SHTN1: variants seen among roughly 807,000 people sequenced by gnomAD.
SHTN1 encodes the protein shootin 1.
SHTN1 carries 42 observed loss-of-function variants against 83.1 expected under a neutral mutation model. The ratio of observed to expected loss-of-function variants is 0.51; its 90% CI spans 0.39 to 0.65. The LOEUF (loss-of-function observed/expected upper bound fraction) is 0.65. Among genes scored for constraint, SHTN1 ranks in the 30% least tolerant of loss-of-function variants. SHTN1 has a pLI of 0.00. For synonymous variants in SHTN1, 224 were observed against 247.7 expected (o/e 0.90, Z 0.90); for missense variants, 622 against 737.8 (o/e 0.84, Z 1.82).
At chr10:117,048,466 C>T in exon 2 of SHTN1, 1 of 985,342 alleles carries the variant, frequency 1.0e-6, no homozygotes, top group Non-Finnish European at 1.2e-6. Context: ...AGGCAGACTT[C>T]ATCAATCTGG....
intron 1 of SHTN1, among the ~76,000 whole-genome samples, chr10:117,062,101 C>G (rs1232804868): frequency 1.3e-5 from 2 of 152,134 alleles, no homozygotes; most frequent in Admixed American, 6.5e-5. Flanking sequence ...GTCACTGTGG[C>G]CTGATCAAAT....
intron 2 of SHTN1, among the ~76,000 whole-genome samples, chr10:117,015,727 A>G (rs1852172625): frequency 6.6e-6 from 1 of 152,220 alleles, no homozygotes; most frequent in African/African-American, 2.4e-5. Context: ...CTTCATATAC[A>G]GTGCTTTCTT....
intron 2 of SHTN1, among the ~76,000 whole-genome samples, chr10:117,031,872 A>C (rs1255420712): frequency 6.6e-6 from 1 of 152,174 alleles, no homozygotes; most frequent in African/African-American, 2.4e-5. Flanking sequence ...CAGAAAACAA[A>C]TAACAAAACG....
intron 1 of SHTN1, among the ~76,000 whole-genome samples, chr10:117,110,553 G>A (rs1439630437): frequency 1.3e-5 from 2 of 151,530 alleles, no homozygotes; most frequent in Non-Finnish European, 2.9e-5. Flanking sequence ...TAGAGACAGG[G>A]TTTCACCATG....
chr10:117,032,450 C>T (rs1006346827), intron 2 of SHTN1, among the ~76,000 whole-genome samples: 48 of 151,996 alleles, frequency 3.2e-4, no homozygotes, highest in Non-Finnish European at 4.4e-4. Flanking sequence ...TTGATCTGCC[C>T]GCCTCAGCCT....
At chr10:117,111,588 G>A (rs1853769381) in intron 1 of SHTN1, among the ~76,000 whole-genome samples, 2 of 152,084 alleles carry the variant, frequency 1.3e-5, no homozygotes, top group South Asian at 4.1e-4. Flanking sequence ...CACTGCACCT[G>A]GCCAAGAATG....
intron 1 of SHTN1, among the ~76,000 whole-genome samples, chr10:117,000,695 G>A (rs1452933127): frequency 1.3e-5 from 2 of 152,156 alleles, no homozygotes; most frequent in African/African-American, 4.8e-5. Context: ...CATCCTCATG[G>A]TAGTGCACCC....
intron 1 of SHTN1, among the ~76,000 whole-genome samples, chr10:116,992,400 C>T (rs1391094892): frequency 6.6e-6 from 1 of 152,180 alleles, no homozygotes; most frequent in African/African-American, 2.4e-5. Flanking sequence ...CCTCTAAAAG[C>T]AATTCAAAGC....
rs563633059 is a variant in SHTN1, at chr10:116,995,475, T to C, written c.58+9547A>G. Among the ~76,000 whole-genome samples the C allele has an allele frequency of 3.9e-5, 6 of 152,304 alleles. No homozygotes were observed. In the South Asian group the frequency reaches 1.2e-3, roughly 32 times the overall value. ...TTTCCAGATTTAGGAAAACATTTTC[T>C]TCTTTTGCGCTATCTATGGCTTAAG... On this transcript the variant is annotated intron_variant, in intron 1 of 16. Coordinates refer to ENST00000355371, the MANE Select transcript of SHTN1 (RefSeq NM_001127211.3).
intron 2 of SHTN1, among the ~76,000 whole-genome samples, chr10:117,024,490 G>A (rs948036500): frequency 2.6e-5 from 4 of 151,464 alleles, no homozygotes; most frequent in Non-Finnish European, 5.9e-5. Context: ...GAGTAGCTGG[G>A]ACTACAGGCG....
intron 2 of SHTN1, among the ~76,000 whole-genome samples, chr10:117,039,768 G>C (rs1481235051): frequency 7.3e-5 from 11 of 151,470 alleles, no homozygotes; most frequent in African/African-American, 2.7e-4. Flanking sequence ...TGGGAGAATG[G>C]CTTGAACCCA....
At chr10:116,922,792 C>T (rs1848610124) in intron 11 of SHTN1, among the ~76,000 whole-genome samples, 1 of 152,164 alleles carries the variant, frequency 6.6e-6, no homozygotes, top group African/African-American at 2.4e-5. Flanking sequence ...TGGCAAAACC[C>T]TGTCTCTACT....
intron 1 of SHTN1, among the ~76,000 whole-genome samples, chr10:117,059,444 G>A (rs551725180): frequency 6.6e-6 from 1 of 152,296 alleles, no homozygotes; most frequent in African/African-American, 2.4e-5. Flanking sequence ...AGCCATATTT[G>A]TAATAGCCAA....
intron 15 of SHTN1, among the ~76,000 whole-genome samples, chr10:116,904,835 C>T (rs902278812): frequency 4.6e-5 from 7 of 152,066 alleles, no homozygotes; most frequent in East Asian, 3.8e-4. Context: ...TCTGGAGAAA[C>T]GAAAAAGCCA....
intron 1 of SHTN1, among the ~76,000 whole-genome samples, chr10:117,089,104 T>C (rs538897367): frequency 5.3e-5 from 8 of 152,208 alleles, no homozygotes; most frequent in South Asian, 2.1e-4. Flanking sequence ...TTAGCAACAG[T>C]TCTAGACAAC....
At chr10:117,048,554 A>G in intron 1 of SHTN1, 1 of 792,198 alleles carries the variant, frequency 1.3e-6, no homozygotes, top group Non-Finnish European at 1.5e-6. Flanking sequence ...AAAATACTGT[A>G]ATTACAGTGC....
intron 13 of SHTN1, among the ~76,000 whole-genome samples, chr10:116,913,638 T>C (rs1028251725): frequency 3.3e-5 from 5 of 152,270 alleles, no homozygotes; most frequent in African/African-American, 9.6e-5. Flanking sequence ...TATTTTTCTC[T>C]AGTAATAGTT....
chr10:116,891,329 G>A (rs1268513716), intron 16 of SHTN1, among the ~76,000 whole-genome samples: 1 of 152,174 alleles, frequency 6.6e-6, no homozygotes, highest in African/African-American at 2.4e-5. Flanking sequence ...GCAACAGCTG[G>A]ACTATTTAAC....
At chr10:117,026,852 C>T (rs1247715973) in intron 2 of SHTN1, among the ~76,000 whole-genome samples, 2 of 152,218 alleles carry the variant, frequency 1.3e-5, no homozygotes, top group African/African-American at 2.4e-5. Flanking sequence ...GGCTTTGCCA[C>T]CTGCTGATTG....
Sources: gnomAD v4.1 joint callset for allele counts (sites outside exome capture counted in the v4.1 genomes callset) on GRCh38, gnomAD v4.1.1 for gene constraint, MANE v1.5 for transcripts, NCBI Gene and HGNC (gene_info 2026-07-23, HGNC 2026-07-21) for gene names.